Variants in CHRM3 observed in about 807,000 individuals in gnomAD.
CHRM3 encodes cholinergic receptor muscarinic 3, also known as muscarinic acetylcholine receptor M3.
Under a neutral mutation model 41.8 loss-of-function variants are expected in CHRM3, and 11 were observed. The observed-to-expected ratio is 0.26, with a 90% CI of 0.17 to 0.44. The LOEUF is 0.44. Ranked by LOEUF, CHRM3 falls within the 20% of genes least tolerant of loss-of-function variation. CHRM3 has a pLI of 1.00. For missense variants in CHRM3, 571 were observed against 745.4 expected (o/e 0.77, Z 2.72); for synonymous variants, 297 against 301.4 (o/e 0.99, Z 0.15).
At chr1:239,810,003 G>A (rs1050332531) in intron 5 of CHRM3, among the ~76,000 whole-genome samples, 3 of 152,194 alleles carry the variant, frequency 2.0e-5, no homozygotes, top group South Asian at 2.1e-4. Flanking sequence ...ATCTTGAGAC[G>A]GGTAAGATTC....
chr1:239,708,945 T>G (rs1661484544), intron 5 of CHRM3, among the ~76,000 whole-genome samples: 1 of 151,930 alleles, frequency 6.6e-6, no homozygotes, highest in South Asian at 2.1e-4. Flanking sequence ...GCTGCTGAAT[T>G]GTTTGACATG....
At chr1:239,430,229 G>A (rs1242724489) in intron 1 of CHRM3, among the ~76,000 whole-genome samples, 1 of 151,940 alleles carries the variant, frequency 6.6e-6, no homozygotes, top group Admixed American at 6.6e-5. Context: ...GCCTCCCAAA[G>A]TGCTGGGATT....
chr1:239,868,578 C>T (rs560208918), intron 6 of CHRM3, among the ~76,000 whole-genome samples: 39 of 152,264 alleles, frequency 2.6e-4, no homozygotes, highest in African/African-American at 8.2e-4. Context: ...CAAGCCCATC[C>T]GCCAGCCCTG....
At position 239,494,575 on chromosome 1, in the gene CHRM3, G is replaced by C. The variant is rs138973201; in HGVS notation, c.-422+1768G>C. ...TTATTTTTTATGTTCCAGAATACAT[G>C]TGCAAGATGTGCAGGTCTATTGCAT... On this transcript the variant is annotated intron_variant, in intron 2 of 6. Coordinates refer to ENST00000676153, the MANE Select transcript of CHRM3 (RefSeq NM_001375978.1). Among the ~76,000 whole-genome samples, 6 of 152,064 alleles carry C rather than the reference G, an allele frequency of 3.9e-5. No homozygotes were observed. The East Asian group carries it at 9.7e-4, about 25-fold the overall frequency.
chr1:239,508,156 T>G (rs1343631264), intron 2 of CHRM3, among the ~76,000 whole-genome samples: 1 of 152,196 alleles, frequency 6.6e-6, no homozygotes, highest in Non-Finnish European at 1.5e-5. Flanking sequence ...AACAATTAAA[T>G]TGGCTCTCCA....
rs12064361 is a variant in CHRM3 at position 239,405,037 on chromosome 1, G to A, written c.-521+17810G>A. 9.8e-3 allele frequency among the ~76,000 whole-genome samples: 1,490 copies of A among 151,972 alleles called. 16 individuals are homozygous for A. Among genetic ancestry groups the A allele is most frequent in the African/African-American group, 0.034 (1,400 of 41,472 alleles). On this transcript the variant is annotated intron_variant, in intron 1 of 6. Transcript: ENST00000676153. ...CTAAGTGCAAAATAGTTTTATTTTC[G>A]TGAACAGTCTAAAAAATGGACAGAG... is the stretch of plus-strand genomic sequence containing the variant.
intron 5 of CHRM3, among the ~76,000 whole-genome samples, chr1:239,735,395 G>A (rs1664311078): frequency 1.3e-5 from 2 of 152,122 alleles, no homozygotes; most frequent in South Asian, 4.1e-4. Context: ...GATGTTTCAT[G>A]TAGCTGACAA....
At chr1:239,765,690 T>A (rs1364161078) in intron 5 of CHRM3, among the ~76,000 whole-genome samples, 2 of 151,250 alleles carry the variant, frequency 1.3e-5, no homozygotes, top group Non-Finnish European at 3.0e-5. Context: ...TAAGAATGTA[T>A]GGATACGTTA....
intron 3 of CHRM3, among the ~76,000 whole-genome samples, chr1:239,579,103 T>C (rs1662635207): frequency 6.6e-6 from 1 of 152,238 alleles, no homozygotes; most frequent in Non-Finnish European, 1.5e-5. Flanking sequence ...ACTTACTAAA[T>C]ATTCGTTGAG....
intron 1 of CHRM3, among the ~76,000 whole-genome samples, chr1:239,391,042 G>A (rs1024529649): frequency 6.6e-6 from 1 of 152,170 alleles, no homozygotes; most frequent in Non-Finnish European, 1.5e-5. Flanking sequence ...GGAAGATGCA[G>A]TGGGAAGATA....
At position 239,748,368 on chromosome 1, in the gene CHRM3, T is replaced by G. The variant is rs1443438489; in HGVS notation, c.-147+70080T>G. Among the ~76,000 whole-genome samples the G allele has an allele frequency of 6.6e-6, 1 of 152,220 alleles. No homozygotes were observed. The highest frequency in any genetic ancestry group is 1.5e-5 in the Non-Finnish European group (1 of 68,036). On this transcript the variant is annotated intron_variant, in intron 5 of 6. Transcript: ENST00000676153. This position sits in a 1 kb window ranked among gnomAD's most constrained non-coding sequence, Gnocchi z 4.3. ...CAGAATCTTATTGACACTTCTTTTT[T>G]AACTCTCAGACTGATCAATTTCCCA...
At chr1:239,737,185 G>C (rs534139849) in intron 5 of CHRM3, among the ~76,000 whole-genome samples, 1 of 151,882 alleles carries the variant, frequency 6.6e-6, no homozygotes, top group Non-Finnish European at 1.5e-5. Context: ...TGGTCATCAG[G>C]GCATATTTAT....
intron 3 of CHRM3, among the ~76,000 whole-genome samples, chr1:239,567,713 G>A (rs945886645): frequency 6.6e-6 from 1 of 152,164 alleles, no homozygotes; most frequent in African/African-American, 2.4e-5. Context: ...AGCATGGAGA[G>A]CACATTATTG....
intron 1 of CHRM3, among the ~76,000 whole-genome samples, chr1:239,433,429 C>T (rs1473676942): frequency 1.3e-5 from 2 of 152,130 alleles, no homozygotes; most frequent in Non-Finnish European, 2.9e-5. Context: ...TTAGTTTAGG[C>T]TCGACTCATT....
intron 5 of CHRM3, among the ~76,000 whole-genome samples, chr1:239,764,671 T>C (rs946349907): frequency 6.6e-6 from 1 of 152,198 alleles, no homozygotes; most frequent in East Asian, 1.9e-4. Context: ...AAAACAATTA[T>C]GTTAACAGGC....
intron 6 of CHRM3, among the ~76,000 whole-genome samples, chr1:239,833,327 C>G (rs1673045900): frequency 6.6e-6 from 1 of 152,156 alleles, no homozygotes; most frequent in Non-Finnish European, 1.5e-5. Context: ...GCCAAGAAAC[C>G]CTGGCTTTGT....
chr1:239,657,938 A>G (rs979632944), intron 4 of CHRM3, among the ~76,000 whole-genome samples: 9 of 152,186 alleles, frequency 5.9e-5, no homozygotes, highest in Non-Finnish European at 1.3e-4. Context: ...TTACTCTGAC[A>G]GCTACATTGT....
At chr1:239,720,977 C>T (rs1273281303) in intron 5 of CHRM3, among the ~76,000 whole-genome samples, 1 of 151,762 alleles carries the variant, frequency 6.6e-6, no homozygotes, top group Non-Finnish European at 1.5e-5. Flanking sequence ...GATTTGAGAA[C>T]ATATATTTAA....
chr1:239,565,459 T>G (rs955407617), intron 3 of CHRM3, among the ~76,000 whole-genome samples: 1 of 152,276 alleles, frequency 6.6e-6, no homozygotes, highest in Middle Eastern at 3.4e-3. Flanking sequence ...TAATGGCTCT[T>G]TACCCCAGAT....
Sources: gnomAD v4.1 joint callset for allele counts (sites outside exome capture counted in the v4.1 genomes callset) on GRCh38, gnomAD v4.1.1 for gene constraint, Gnocchi (gnomAD v3.1) non-coding constraint, MANE v1.5 for transcripts, NCBI Gene and HGNC (gene_info 2026-07-23, HGNC 2026-07-21) for gene names.